The following RYR2 variants were observed in gnomAD, a reference collection of about 807,000 sequenced individuals.
RYR2 encodes the protein cardiac muscle ryanodine receptor-calcium release channel.
In RYR2, 227 loss-of-function variants were observed where a neutral mutation model predicts 601.1. The observed-to-expected ratio is 0.38, with a 90% CI of 0.34 to 0.42. The LOEUF (loss-of-function observed/expected upper bound fraction) is 0.42. Ranked by LOEUF, RYR2 falls within the 10% of genes least tolerant of loss-of-function variation. The pLI is 1.00. For missense variants in RYR2, 4,646 were observed against 6,156.5 expected (o/e 0.75, Z 8.21); for synonymous variants, 2,223 against 2,175.1 (o/e 1.02, Z -0.61).
At position 237,511,760 on chromosome 1, in the gene RYR2, T is replaced by A. The variant is rs1665921913; in HGVS notation, c.2791T>A (p.Tyr931Asn). ...CAAGCTGCCTGAACAGGAGCGCAAT[T>A]ACAACTTACAAATGTCGCTTGAGAC... ...FSKLPEQERNYNLQMSLETLK... is the reference protein window; with the variant it reads ...FSKLPEQERNNNLQMSLETLK... The change falls in exon 24 of 105, where the codon TAC (tyrosine) becomes AAC (asparagine). Residue 931 changes from tyrosine to asparagine, a missense_variant. Around this residue, in one of 17 missense-constraint regions of RYR2, gnomAD observed 1,807 missense variants for 2,088.1 expected, o/e 0.87. Transcript: ENST00000366574. 3.3e-6 allele frequency: 5 copies of A among 1,529,590 alleles called. No homozygotes were observed. Among genetic ancestry groups the A allele is most frequent in the Non-Finnish European group, 4.4e-6 (5 of 1,130,600 alleles). 94.8% of individuals were successfully genotyped at this position (1,529,590 alleles called of 1,614,324 possible). A position where few individuals can be genotyped will look rare whatever the true frequency, so the allele number is the denominator to read the frequency against.
chr1:237,208,815 CTTAT>C (rs1682109865), intron 1 of RYR2, among the ~76,000 whole-genome samples: 6 of 151,012 alleles, frequency 4.0e-5, no homozygotes, highest in Admixed American at 6.6e-5. Context: ...GTCTCCAGAA[CTTAT>C]TTGTTTTATA....
At chr1:237,727,031 T>G in intron 75 of RYR2, 56 bp from the exon 76 acceptor site, 1 of 884,006 alleles carries the variant, frequency 1.1e-6, no homozygotes, top group Non-Finnish European at 1.9e-6. Flanking sequence ...TAAATATTTA[T>G]TTGTTTTTGA....
At chr1:237,275,092 G>GCACA (rs111310759) in intron 2 of RYR2, among the ~76,000 whole-genome samples, 19 of 144,712 alleles carry the variant, frequency 1.3e-4, no homozygotes, top group African/African-American at 4.0e-4. Flanking sequence ...ACACATACAC[G>GCACA]CACACACACA....
intron 2 of RYR2, among the ~76,000 whole-genome samples, chr1:237,298,993 T>C (rs911537755): frequency 6.6e-6 from 1 of 152,146 alleles, no homozygotes; most frequent in Non-Finnish European, 1.5e-5. Flanking sequence ...GACTCCCCTC[T>C]CTAAAAAATA....
chr1:237,104,272 C>T (rs1668434024), intron 1 of RYR2, among the ~76,000 whole-genome samples: 1 of 152,194 alleles, frequency 6.6e-6, no homozygotes, highest in Non-Finnish European at 1.5e-5. Flanking sequence ...GCAAGCATCC[C>T]TCAGTAGGGA....
chr1:237,319,503 G>C (rs1397542491), intron 2 of RYR2, among the ~76,000 whole-genome samples: 1 of 152,102 alleles, frequency 6.6e-6, no homozygotes, highest in Admixed American at 6.6e-5. Context: ...TCTGAGCTGA[G>C]TCTGTGACAT....
At chr1:237,093,912 C>T (rs753986663) in intron 1 of RYR2, among the ~76,000 whole-genome samples, 10 of 152,126 alleles carry the variant, frequency 6.6e-5, no homozygotes, top group Non-Finnish European at 1.3e-4. Context: ...AGTGGTGCAG[C>T]GCAGGCTGTG....
At chr1:237,444,931 C>A (rs1410394809) in intron 13 of RYR2, among the ~76,000 whole-genome samples, 1 of 152,162 alleles carries the variant, frequency 6.6e-6, no homozygotes, top group Non-Finnish European at 1.5e-5. Flanking sequence ...GCCAGTGCAA[C>A]GTTAGCTTTG....
chr1:237,563,214 C>G (rs986190004), intron 27 of RYR2, among the ~76,000 whole-genome samples: 1 of 151,900 alleles, frequency 6.6e-6, no homozygotes, highest in African/African-American at 2.4e-5. Context: ...TCGAGACCAG[C>G]GTGACAATGG....
chr1:237,787,493 G>T (rs1411048495), intron 91 of RYR2, among the ~76,000 whole-genome samples: 2 of 151,212 alleles, frequency 1.3e-5, no homozygotes, highest in Non-Finnish European at 2.9e-5. Context: ...TTGGAAGACT[G>T]AGGCAGGAGA....
intron 51 of RYR2, among the ~76,000 whole-genome samples, chr1:237,652,041 GA>G (rs1414504472): frequency 6.6e-6 from 1 of 150,520 alleles, no homozygotes; most frequent in South Asian, 2.1e-4. Context: ...GTCAAAAAAA[GA>G]AAAAAAGGAC....
In RYR2 at chr1:237,548,473, G is replaced by A. The variant is rs926827556; in HGVS notation, c.2949G>A (p.Leu983=). 3.1e-6 allele frequency: 5 copies of A among 1,613,856 alleles called. No individual in the cohort carries two copies. Among genetic ancestry groups the A allele is most frequent in the African/African-American group, 1.3e-5 (1 of 74,930 alleles). ...GATACAAGCCTGCCCCTATGGACCTGAGCTTTATCAAACTCACCCCATCAC... is the reference window on the plus strand; with the variant it reads ...GATACAAGCCTGCCCCTATGGACCTAAGCTTTATCAAACTCACCCCATCAC... ...TSGYKPAPMD[L]SFIKLTPSQE... is the part of the protein sequence containing the mutation. Residue 983 remains leucine, a synonymous_variant, in exon 26 of 105, where the codon CTG becomes CTA. Coordinates refer to ENST00000366574, the MANE Select transcript of RYR2 (RefSeq NM_001035.3).
intron 83 of RYR2, 54 bp downstream of exon 83, chr1:237,759,906 A>C (rs912532073): frequency 2.6e-6 from 3 of 1,148,306 alleles, no homozygotes; most frequent in Non-Finnish European, 3.9e-6. Flanking sequence ...ATTTTTTCGA[A>C]GCATTTGTTT....
intron 48 of RYR2, among the ~76,000 whole-genome samples, chr1:237,648,131 AT>A (rs1682362853): frequency 6.6e-6 from 1 of 152,186 alleles, no homozygotes; most frequent in Non-Finnish European, 1.5e-5. Flanking sequence ...CTTTTCATGG[AT>A]TTCACTTGGA....
At chr1:237,211,481 A>T (rs1243072181) in intron 1 of RYR2, among the ~76,000 whole-genome samples, 1 of 152,192 alleles carries the variant, frequency 6.6e-6, no homozygotes, top group Non-Finnish European at 1.5e-5. Flanking sequence ...GTTTAGATAG[A>T]CAGGCTTGCT....
chr1:237,663,099 C>G (rs1462363327), intron 56 of RYR2, among the ~76,000 whole-genome samples: 1 of 152,138 alleles, frequency 6.6e-6, no homozygotes, highest in South Asian at 2.1e-4. Flanking sequence ...AAATGGGGAG[C>G]AATATACACC....
chr1:237,231,136 C>T (rs1278818219), intron 1 of RYR2, among the ~76,000 whole-genome samples: 4 of 151,992 alleles, frequency 2.6e-5, no homozygotes, highest in Non-Finnish European at 5.9e-5. Context: ...ATAACTATAT[C>T]TGTCATTTTC....
In RYR2 at chr1:237,610,002, C is replaced by T. The variant is rs187072543; in HGVS notation, c.4684-760C>T. On this transcript the variant is annotated intron_variant, in intron 35 of 104. Transcript: ENST00000366574. This position sits in a 1 kb window ranked among gnomAD's most constrained non-coding sequence, Gnocchi z 4.9. ...TGAGGATGAAGTAGTCTACAGCATG[C>T]AGTTGAGGGGGCTCTAGAGGAGAAG... Among the ~76,000 whole-genome samples, 582 of 152,070 alleles carry T rather than the reference C, an allele frequency of 3.8e-3. 6 individuals carry two copies. Among genetic ancestry groups the T allele is most frequent in the African/African-American group, 0.013 (559 of 41,456 alleles).
At chr1:237,817,374 T>C (rs1248919673) in intron 100 of RYR2, among the ~76,000 whole-genome samples, 1 of 152,170 alleles carries the variant, frequency 6.6e-6, no homozygotes, top group African/African-American at 2.4e-5. Context: ...GTCCTGAGAA[T>C]GTGAGATCTG....
Sources: allele counts gnomAD v4.1 joint callset (sites outside exome capture counted in the v4.1 genomes callset), GRCh38; gene constraint gnomAD v4.1.1; regional missense constraint gnomAD v4.1.1; non-coding constraint Gnocchi (gnomAD v3.1); transcripts MANE v1.5; gene names NCBI Gene and HGNC (gene_info 2026-07-23, HGNC 2026-07-21).